The following SRD5A2 variants were observed in gnomAD, a reference collection of about 807,000 sequenced individuals.
SRD5A2 encodes steroid 5 alpha-reductase 2.
SRD5A2 carries 30 observed loss-of-function variants against 27.4 expected under a neutral mutation model. The observed-to-expected ratio is 1.10, with a 90% CI of 0.82 to 1.49. SRD5A2 has a LOEUF of 1.49. Ranked by LOEUF, SRD5A2 falls within the 40% of genes most tolerant of loss-of-function variation. The probability of loss-of-function intolerance (pLI) is 0.00; values close to 1 mark genes in which losing one functional copy is unlikely to be tolerated. For missense variants in SRD5A2, 348 were observed against 323.4 expected, an observed-to-expected ratio of 1.08 and a Z score of -0.58; for synonymous variants, 141 against 133.6, an observed-to-expected ratio of 1.06 and a Z score of -0.38.
chr2:31,612,170 A>G, the SRD5A2 span, among the ~76,000 whole-genome samples: 1 of 152,034 alleles, frequency 6.6e-6, no homozygotes, highest in Non-Finnish European at 1.5e-5. Flanking sequence ...AGTCCCAGTT[A>G]CATGGGAGGT....
Position 31,571,722 on chromosome 2 carries a change from T to C in SRD5A2, c.281+8898A>G, listed in dbSNP as rs374506543. 3.5e-4 allele frequency among the ~76,000 whole-genome samples: 53 copies of C among 152,274 alleles called. No homozygotes were observed. In the South Asian group the frequency reaches 8.3e-3, roughly 24 times the overall value. On this transcript the variant is annotated intron_variant, in intron 1 of 4. Coordinates refer to ENST00000622030, the MANE Select transcript of SRD5A2 (RefSeq NM_000348.4). ...AAAGTGGGCAAAGGACATCAACAGA[T>C]ACTTTTCAAAACAAGATATATGTGG...
chr2:31,660,724 G>T, the SRD5A2 span, among the ~76,000 whole-genome samples: 144 of 151,912 alleles, frequency 9.5e-4, no homozygotes, highest in Non-Finnish European at 1.5e-3. Flanking sequence ...TATGTATGAG[G>T]TTTATTCACT....
chr2:31,539,184 C>T (rs1427381403), intron 1 of SRD5A2, among the ~76,000 whole-genome samples: 1 of 152,152 alleles, frequency 6.6e-6, no homozygotes, highest in East Asian at 1.9e-4. Context: ...GGCATATGGG[C>T]TAGAAACCTT....
rs202113551 is a variant in SRD5A2, at chr2:31,540,616, C to CA, written c.282-6851dup. Among the ~76,000 whole-genome samples, 1,158 of 152,316 alleles carry CA rather than the reference C, an allele frequency of 7.6e-3. 13 individuals carry two copies. Among genetic ancestry groups the CA allele is most frequent in the Non-Finnish European group, 0.011 (765 of 68,016 alleles). On this transcript the variant is annotated intron_variant, in intron 1 of 4. Coordinates refer to ENST00000622030, the MANE Select transcript of SRD5A2 (RefSeq NM_000348.4). ...CCTGCTTAGGCAATAATTGCACTGA[C>CA]AGAGTATGTCTGATATAACTGTTTT...
the SRD5A2 span, among the ~76,000 whole-genome samples, chr2:31,626,038 G>A: frequency 3.3e-5 from 5 of 152,088 alleles, no homozygotes; most frequent in East Asian, 9.6e-4. Flanking sequence ...TTATTTCGTT[G>A]AGCAGTGGTT....
At chr2:31,645,646 C>T in the SRD5A2 span, among the ~76,000 whole-genome samples, 1 of 152,240 alleles carries the variant, frequency 6.6e-6, no homozygotes, top group East Asian at 1.9e-4. Flanking sequence ...AATACCTCCC[C>T]AAAGTGTTCT....
At chr2:31,656,006 A>G in the SRD5A2 span, among the ~76,000 whole-genome samples, 2 of 152,338 alleles carry the variant, frequency 1.3e-5, no homozygotes, top group African/African-American at 4.8e-5. Flanking sequence ...AGATGCACAT[A>G]TAGACAGAGG....
At chr2:31,647,001 G>A in the SRD5A2 span, among the ~76,000 whole-genome samples, 3 of 151,980 alleles carry the variant, frequency 2.0e-5, no homozygotes, top group African/African-American at 7.2e-5. Flanking sequence ...AAAAATTAGT[G>A]AGACGTCATG....
chr2:31,579,803 C>A (rs28382997), intron 1 of SRD5A2, among the ~76,000 whole-genome samples: 23 of 152,336 alleles, frequency 1.5e-4, no homozygotes, highest in African/African-American at 5.3e-4. Flanking sequence ...TTCTCTGAAC[C>A]CTGACATCCC....
At chr2:31,650,137 T>C in the SRD5A2 span, among the ~76,000 whole-genome samples, 1 of 152,078 alleles carries the variant, frequency 6.6e-6, no homozygotes, top group Non-Finnish European at 1.5e-5. Flanking sequence ...GGATAAACTA[T>C]TTTCTGAGGT....
At chr2:31,632,913 G>A in the SRD5A2 span, among the ~76,000 whole-genome samples, 1 of 152,128 alleles carries the variant, frequency 6.6e-6, no homozygotes, top group Non-Finnish European at 1.5e-5. Context: ...CAGCAATATG[G>A]AGAGAAAAGG....
the SRD5A2 span, among the ~76,000 whole-genome samples, chr2:31,648,300 T>C: frequency 6.6e-6 from 1 of 152,394 alleles, no homozygotes; most frequent in African/African-American, 2.4e-5. Context: ...GGTTTAGTGC[T>C]GTTTTCCATT....
chr2:31,645,943 T>C, the SRD5A2 span, among the ~76,000 whole-genome samples: 1 of 152,158 alleles, frequency 6.6e-6, no homozygotes, highest in African/African-American at 2.4e-5. Context: ...TCCTGCATAA[T>C]GGGACTCCAT....
chr2:31,634,390 A>G, the SRD5A2 span, among the ~76,000 whole-genome samples: 1 of 152,146 alleles, frequency 6.6e-6, no homozygotes, highest in African/African-American at 2.4e-5. Flanking sequence ...ATGTGTTAAT[A>G]TATGTGTAAC....
chr2:31,580,114 C>T (rs1370566793), intron 1 of SRD5A2, among the ~76,000 whole-genome samples: 1 of 152,194 alleles, frequency 6.6e-6, no homozygotes. Flanking sequence ...TCAATGAGAA[C>T]CTCTGAGCTG....
At chr2:31,622,516 A>G in the SRD5A2 span, among the ~76,000 whole-genome samples, 1 of 152,266 alleles carries the variant, frequency 6.6e-6, no homozygotes, top group African/African-American at 2.4e-5. Context: ...AGCCCAATTC[A>G]TTCAACTTTT....
In SRD5A2 at chr2:31,523,911, G is replaced by A. The variant is rs987675461; in HGVS notation, c.*2285C>T. 4.6e-6 allele frequency: 1 copy of A among 219,054 alleles called. No individual in the cohort carries two copies. The highest frequency in any genetic ancestry group is 9.2e-6 in the Non-Finnish European group (1 of 109,152). 13.6% of individuals were successfully genotyped at this position (219,054 alleles called of 1,614,324 possible). On this transcript the variant is annotated 3_prime_UTR_variant, in exon 5 of 5. Coordinates refer to ENST00000622030, the MANE Select transcript of SRD5A2 (RefSeq NM_000348.4). ...CCTGAATTATCAAGGGAAGGTTTCA[G>A]CTTTCATAGAGTTCACGCTACTCTA...
chr2:31,632,993 A>T, the SRD5A2 span, among the ~76,000 whole-genome samples: 1 of 152,124 alleles, frequency 6.6e-6, no homozygotes, highest in Non-Finnish European at 1.5e-5. Flanking sequence ...TTGGCTGTAC[A>T]TGCCACCTAA....
At chr2:31,639,761 T>C in the SRD5A2 span, among the ~76,000 whole-genome samples, 1 of 152,160 alleles carries the variant, frequency 6.6e-6, no homozygotes, top group African/African-American at 2.4e-5. Context: ...TTTCTTTTGC[T>C]GCTTTTAGAA....
Sources: allele counts gnomAD v4.1 joint callset (sites outside exome capture counted in the v4.1 genomes callset), GRCh38; gene constraint gnomAD v4.1.1; transcripts MANE v1.5; gene names NCBI Gene and HGNC (gene_info 2026-07-23, HGNC 2026-07-21).